PTPRT: variants seen among roughly 807,000 people sequenced by gnomAD.
PTPRT encodes receptor-type tyrosine-protein phosphatase T.
In PTPRT, 56 loss-of-function variants were observed where a neutral mutation model predicts 176.8. That is an observed-to-expected ratio of 0.32 (90% CI 0.26 to 0.40). PTPRT has a LOEUF of 0.40. Ranked by LOEUF, PTPRT falls within the 10% of genes least tolerant of loss-of-function variation. PTPRT has a pLI of 1.00. For synonymous variants in PTPRT, 783 were observed against 739.0 expected (o/e 1.06, Z -0.96); for missense variants, 1,540 against 1,908.2 (o/e 0.81, Z 3.60).
intron 7 of PTPRT, among the ~76,000 whole-genome samples, chr20:42,665,742 A>T (rs950528959): frequency 7.2e-5 from 11 of 152,260 alleles, no homozygotes; most frequent in Non-Finnish European, 1.3e-4. Flanking sequence ...GCACATATAC[A>T]CCATGGAATA....
chr20:43,170,584 C>A (rs530154183), intron 1 of PTPRT, among the ~76,000 whole-genome samples: 1 of 152,220 alleles, frequency 6.6e-6, no homozygotes, highest in South Asian at 2.1e-4. Context: ...GTTAACAATT[C>A]TCCAAAAGGT....
At chr20:43,160,621 A>C (rs1199488168) in intron 1 of PTPRT, among the ~76,000 whole-genome samples, 1 of 152,208 alleles carries the variant, frequency 6.6e-6, no homozygotes, top group African/African-American at 2.4e-5. Flanking sequence ...GCCAGTCAAC[A>C]GGTAAGCCTA....
intron 2 of PTPRT, among the ~76,000 whole-genome samples, chr20:42,799,238 G>C (rs543713405): frequency 5.7e-4 from 86 of 152,030 alleles, no homozygotes; most frequent in Non-Finnish European, 1.1e-3. Context: ...AACTGCAGGC[G>C]AGGGAAGGGG....
At chr20:43,068,416 G>A (rs1055041066) in intron 1 of PTPRT, among the ~76,000 whole-genome samples, 6 of 149,714 alleles carry the variant, frequency 4.0e-5, no homozygotes, top group Non-Finnish European at 7.4e-5. Flanking sequence ...TGAGGCAGAA[G>A]AATGGCGTGA....
Position 42,708,455 on chromosome 20 carries a change from C to A in PTPRT, c.860-30296G>T, listed in dbSNP as rs574521850. 6.6e-5 allele frequency among the ~76,000 whole-genome samples: 10 copies of A among 152,270 alleles called. No homozygotes were observed. The South Asian group carries it at 2.1e-3, about 32-fold the overall frequency. On this transcript the variant is annotated intron_variant, in intron 6 of 30. Transcript: ENST00000373187. ...TCTCAGTTAGATTAATATATCACCA[C>A]ATCACAATGACTCATTTCTCTAGAA...
At chr20:42,726,533 G>A (rs867776085) in intron 6 of PTPRT, among the ~76,000 whole-genome samples, 1 of 152,220 alleles carries the variant, frequency 6.6e-6, no homozygotes, top group Non-Finnish European at 1.5e-5. Context: ...AACAAAACCA[G>A]GATTCTGAGG....
intron 7 of PTPRT, among the ~76,000 whole-genome samples, chr20:42,584,745 G>T (rs755930222): frequency 1.3e-5 from 2 of 152,134 alleles, no homozygotes; most frequent in Non-Finnish European, 2.9e-5. Context: ...TTTTATCATT[G>T]CTGTATTCCC....
intron 1 of PTPRT, among the ~76,000 whole-genome samples, chr20:42,900,926 G>C (rs1269925692): frequency 1.3e-5 from 2 of 152,132 alleles, no homozygotes; most frequent in Non-Finnish European, 1.5e-5. Flanking sequence ...CCTCTGGAAT[G>C]TGTCTAGACT....
the PTPRT span, among the ~76,000 whole-genome samples, chr20:42,054,960 A>G: frequency 6.6e-6 from 1 of 152,198 alleles, no homozygotes; most frequent in African/African-American, 2.4e-5. Context: ...CACTGTAGAA[A>G]AGGAATCGTT....
intron 12 of PTPRT, among the ~76,000 whole-genome samples, chr20:42,294,462 C>T (rs997093736): frequency 6.6e-6 from 1 of 152,030 alleles, no homozygotes; most frequent in Non-Finnish European, 1.5e-5. Flanking sequence ...AACAAAAAGT[C>T]AGAACCTACA....
chr20:42,111,500 T>G (rs1202772352), intron 22 of PTPRT, among the ~76,000 whole-genome samples: 1 of 152,136 alleles, frequency 6.6e-6, no homozygotes, highest in African/African-American at 2.4e-5. Context: ...GCTAACCTGA[T>G]CTGAGGAGAA....
chr20:42,078,007 AT>A lies in PTPRT; in HGVS notation c.*2871del, dbSNP rs1982946417. 1 of 190,584 alleles carries A rather than the reference AT, an allele frequency of 5.2e-6. No individual in the cohort carries two copies. Among genetic ancestry groups the A allele is most frequent in the Non-Finnish European group, 1.1e-5 (1 of 90,582 alleles). 11.8% of individuals were successfully genotyped at this position (190,584 alleles called of 1,614,324 possible). ...TCTGGATGTACCAAGATCTAAGAAA[AT>A]AGCATACAGCAGGCAGATTTGCCAT... On this transcript the variant is annotated 3_prime_UTR_variant, in exon 31 of 31. Transcript: ENST00000373187.
rs1491342115 is a variant in PTPRT at position 42,633,818 on chromosome 20, T to TATATATATATATATATAA, written c.1153+44047_1153+44048insTTATATATATATATATAT. On this transcript the variant is annotated intron_variant, in intron 7 of 30. Coordinates refer to ENST00000373187, the MANE Select transcript of PTPRT (RefSeq NM_007050.6). ...ATATATATATATATATATATATATA[T>TATATATATATATATATAA]AATAAAATATTAATATATTATAATA... Among the ~76,000 whole-genome samples, 116 of 57,664 alleles carry TATATATATATATATATAA rather than the reference T, an allele frequency of 2.0e-3. 3 individuals carry two copies. The highest frequency in any genetic ancestry group is 9.3e-3 in the African/African-American group (114 of 12,262). 37.8% of individuals were successfully genotyped at this position (57,664 alleles called of 152,430 possible).
intron 1 of PTPRT, among the ~76,000 whole-genome samples, chr20:43,067,290 C>T (rs1277252543): frequency 2.0e-5 from 3 of 152,166 alleles, no homozygotes; most frequent in South Asian, 4.2e-4. Context: ...AGAGACAGAA[C>T]GCAGACGGGT....
chr20:42,226,803 G>A lies in PTPRT; in HGVS notation c.2342+9426C>T, dbSNP rs376522851. Among the ~76,000 whole-genome samples the A allele has an allele frequency of 1.6e-4, 24 of 152,124 alleles. No homozygotes were observed. In the East Asian group the frequency reaches 2.3e-3, roughly 15 times the overall value. ...TGGATCAGCAAAAGGGTATTGCTAC[G>A]GTCTTCTCTGTGATACATCTTCAGC... On this transcript the variant is annotated intron_variant, in intron 15 of 30. Transcript: ENST00000373187.
At chr20:43,145,945 T>C (rs1224094769) in intron 1 of PTPRT, among the ~76,000 whole-genome samples, 1 of 152,206 alleles carries the variant, frequency 6.6e-6, no homozygotes, top group Non-Finnish European at 1.5e-5. Flanking sequence ...TAGGACTTCG[T>C]TTTCAATCTT....
At chr20:42,048,581 C>A in the PTPRT span, among the ~76,000 whole-genome samples, 1 of 152,108 alleles carries the variant, frequency 6.6e-6, no homozygotes, top group African/African-American at 2.4e-5. Context: ...TGTTCCGGCC[C>A]ACTGTCCCCA....
intron 2 of PTPRT, among the ~76,000 whole-genome samples, chr20:42,869,325 C>G (rs2078804386): frequency 6.6e-6 from 1 of 152,136 alleles, no homozygotes; most frequent in Non-Finnish European, 1.5e-5. Context: ...CCACTGAGAG[C>G]TGCTTTGTGG....
intron 1 of PTPRT, among the ~76,000 whole-genome samples, chr20:42,923,103 G>C (rs779074945): frequency 2.0e-5 from 3 of 152,126 alleles, no homozygotes; most frequent in Non-Finnish European, 4.4e-5. Context: ...CACACCTGCT[G>C]GTGCCAATTC....
Sources: gnomAD v4.1 joint callset for allele counts (sites outside exome capture counted in the v4.1 genomes callset) on GRCh38, gnomAD v4.1.1 for gene constraint, MANE v1.5 for transcripts, NCBI Gene and HGNC (gene_info 2026-07-23, HGNC 2026-07-21) for gene names.